ITGA5: variants seen among roughly 807,000 people sequenced by gnomAD.
The protein encoded by ITGA5 is integrin subunit alpha 5.
In ITGA5, 55 loss-of-function variants were observed where a neutral mutation model predicts 146.3. The ratio of observed to expected loss-of-function variants is 0.38; its 90% CI spans 0.30 to 0.47. The LOEUF (loss-of-function observed/expected upper bound fraction) is 0.47, where lower values mean the gene tolerates loss of function less well. ITGA5 is among the 20% of genes least tolerant of loss of function. The probability of loss-of-function intolerance (pLI) is 0.99; values close to 1 mark genes in which losing one functional copy is unlikely to be tolerated. For missense variants in ITGA5, 1,131 were observed against 1,329.0 expected, an observed-to-expected ratio of 0.85 and a Z score of 2.32; for synonymous variants, 500 against 531.8, an observed-to-expected ratio of 0.94 and a Z score of 0.82.
Position 54,403,955 on chromosome 12 carries a change from C to T in ITGA5, c.1577G>A (p.Ser526Asn), listed in dbSNP as rs770698753. 12 of 1,614,082 alleles carry T rather than the reference C, an allele frequency of 7.4e-6. No individual in the cohort carries two copies. Among genetic ancestry groups the T allele is most frequent in the Non-Finnish European group, 1.0e-5 (12 of 1,180,052 alleles). ...TTTTCCAGAAGCATTGAGGCAGAAG[C>T]TAAGGTTGATGCTGGAGAGAGACCA... Reference protein sequence around the residue: ...EGNPVACINLSFCLNASGKHV... With the variant: ...EGNPVACINLNFCLNASGKHV... Residue 526 changes from serine (S) to asparagine (N), a missense_variant, in exon 16 of 30, where the codon AGC becomes AAC. By Grantham distance (46) the Ser-to-Asn change is conservative. Around this residue, in one of 3 missense-constraint regions of ITGA5, gnomAD observed 889 missense variants for 1,021.5 expected, o/e 0.87. Coordinates refer to ENST00000293379, the MANE Select transcript of ITGA5 (RefSeq NM_002205.5). This position sits in a 1 kb window ranked among gnomAD's most constrained non-coding sequence, Gnocchi z 4.9.
chr12:54,417,380 G>T (rs1173150552), intron 1 of ITGA5, among the ~76,000 whole-genome samples: 1 of 151,430 alleles, frequency 6.6e-6, no homozygotes, highest in Non-Finnish European at 1.5e-5. Context: ...CTCCATTAGG[G>T]CTGTGATAAG....
chr12:54,412,258 G>A (rs1274557064), intron 1 of ITGA5: 2 of 262,906 alleles, frequency 7.6e-6, no homozygotes, highest in African/African-American at 2.2e-5. Context: ...ATTTCTAGAA[G>A]GGGAAGAGGG....
rs1478339051 is a variant in ITGA5 at position 54,404,422 on chromosome 12, G to A, written c.1463+8C>T. 1 of 1,613,726 alleles carries A rather than the reference G, an allele frequency of 6.2e-7. No individual in the cohort carries two copies. Among genetic ancestry groups the A allele is most frequent in the Non-Finnish European group, 8.5e-7 (1 of 1,179,706 alleles). ...GGTTGTCCCCTCATCTCCCTTTGGA[G>A]CTCATACCTGTATACCACAGCCTTG... On this transcript the variant is annotated splice_region_variant and intron_variant, in intron 14 of 29. Transcript: ENST00000293379.
At chr12:54,400,037 C>T in intron 25 of ITGA5, 90 bp from the exon 26 acceptor site, 3 of 853,472 alleles carry the variant, frequency 3.5e-6, no homozygotes, top group Non-Finnish European at 6.0e-6. Context: ...TCAACCTATT[C>T]TTTCATCTAT....
rs1036025123 is a variant in ITGA5 at position 54,395,711 on chromosome 12, C to G, written c.*582G>C. 8.9e-5 allele frequency: 13 copies of G among 146,404 alleles called. No homozygotes were observed. The highest frequency in any genetic ancestry group is 3.2e-4 in the African/African-American group (12 of 37,386). 9.1% of individuals were successfully genotyped at this position (146,404 alleles called of 1,614,324 possible). A position where few individuals can be genotyped will look rare whatever the true frequency, so the allele number is the denominator to read the frequency against. On this transcript the variant is annotated 3_prime_UTR_variant, in exon 30 of 30. Transcript: ENST00000293379. ...TTCTGATTCCCCTTGGAGCTGGGCT[C>G]TGGGCCCTGGGCCAGCATCTATCCT...
intron 2 of ITGA5, among the ~76,000 whole-genome samples, chr12:54,410,221 G>A (rs1172880228): frequency 6.6e-6 from 1 of 152,176 alleles, no homozygotes. Context: ...AGACAAGGAT[G>A]CCTGCTGTGG....
chr12:54,412,121 A>G (rs1002982654), intron 1 of ITGA5, among the ~76,000 whole-genome samples, 157 bp from the exon 2 acceptor site: 1 of 152,150 alleles, frequency 6.6e-6, no homozygotes, highest in East Asian at 1.9e-4. Flanking sequence ...CACAGATGCC[A>G]GAGGCACAGG....
At chr12:54,413,977 A>C (rs1955976609) in intron 1 of ITGA5, among the ~76,000 whole-genome samples, 1 of 152,236 alleles carries the variant, frequency 6.6e-6, no homozygotes, top group Non-Finnish European at 1.5e-5. Flanking sequence ...GGGTGGCCTG[A>C]GGAAGTAGCC....
intron 6 of ITGA5, 47 bp from the exon 7 acceptor site, chr12:54,408,282 G>A (rs2120532762): frequency 1.9e-6 from 3 of 1,607,312 alleles, no homozygotes; most frequent in South Asian, 2.2e-5. Flanking sequence ...AGTGGCAGAG[G>A]GGGCTTGGGA....
Position 54,418,969 on chromosome 12 carries a change from C to T in ITGA5, c.218+12G>A. The T allele has an allele frequency of 2.5e-6, 4 of 1,610,892 alleles. No homozygotes were observed. Among genetic ancestry groups the T allele is most frequent in the Non-Finnish European group, 3.4e-6 (4 of 1,179,232 alleles). On this transcript the variant is annotated intron_variant, in intron 1 of 29. Coordinates refer to ENST00000293379, the MANE Select transcript of ITGA5 (RefSeq NM_002205.5). ...CCCCACCCCCATCCCGTCTCCAGCC[C>T]TCCTCACTCACCCGTCTGTTCCCGG...
rs778548618 is a variant in ITGA5, at chr12:54,401,637, C to T, written c.2335G>A (p.Val779Met). 25 of 1,614,052 alleles carry T rather than the reference C, an allele frequency of 1.5e-5. 1 individual carries two copies. The East Asian group carries it at 1.6e-4, about 10-fold the overall frequency. The stretch of plus-strand genomic sequence containing the variant: ...TCCACGGAGAGCCGAAAGGAAACCA[C>T]GTCGCTTTGCGAGTTGTTGAGATTC... Reference protein sequence around the residue: ...SKNLNNSQSDVVSFRLSVEAQ... With the variant: ...SKNLNNSQSDMVSFRLSVEAQ... The change falls in exon 23 of 30, where the codon GTG becomes ATG. Residue 779 changes from valine to methionine, a missense_variant. Val to Met is a conservative substitution (Grantham distance 21). Around this residue, in one of 3 missense-constraint regions of ITGA5, gnomAD observed 889 missense variants for 1,021.5 expected, o/e 0.87. Coordinates refer to ENST00000293379, the MANE Select transcript of ITGA5 (RefSeq NM_002205.5). The surrounding 1 kb of genome is among the most constrained non-coding windows in gnomAD (Gnocchi z 5.0).
At chr12:54,400,498 C>A (rs1452864754) in intron 25 of ITGA5, 1 of 247,566 alleles carries the variant, frequency 4.0e-6, no homozygotes, top group Non-Finnish European at 7.8e-6. Context: ...GTGTTCAGTA[C>A]AGTCACTTAT....
Position 54,403,131 on chromosome 12 carries a change from C to T in ITGA5, c.1914+56G>A. 1 of 1,596,972 alleles carries T rather than the reference C, an allele frequency of 6.3e-7. No individual in the cohort carries two copies. The highest frequency in any genetic ancestry group is 8.5e-7 in the Non-Finnish European group (1 of 1,171,566). ...GCTCTTCTCTTTCCATGGCCCTGCC[C>T]CCCCAATACCCAGGCCTCTGTCTTC... On this transcript the variant is annotated intron_variant, in intron 18 of 29. Coordinates refer to ENST00000293379, the MANE Select transcript of ITGA5 (RefSeq NM_002205.5). The surrounding 1 kb of genome is among the most constrained non-coding windows in gnomAD (Gnocchi z 4.9).
intron 2 of ITGA5, 33 bp downstream of exon 2, chr12:54,411,801 C>A: frequency 6.9e-7 from 1 of 1,452,078 alleles, no homozygotes. Context: ...GCAGTCCCAC[C>A]CCCCAGTCCC....
chr12:54,400,901 C>G lies in ITGA5; in HGVS notation c.2588G>C (p.Arg863Thr), dbSNP rs767288282. ...GGTGGTGCAGTTGAGTCCCGTAACT[C>G]TGGTCACATATAGGAGCTGCTGACC... ...LEGQQLLYVT[R>T]VTGLNCTTNH... The change falls in exon 25 of 30, where the codon AGA becomes ACA. Residue 863 changes from arginine to threonine, a missense_variant. Coordinates refer to ENST00000293379, the MANE Select transcript of ITGA5 (RefSeq NM_002205.5). 15 of 1,614,158 alleles carry G rather than the reference C, an allele frequency of 9.3e-6. No individual in the cohort carries two copies. The highest frequency in any genetic ancestry group is 1.3e-5 in the Non-Finnish European group (15 of 1,180,004).
In ITGA5 at chr12:54,405,644, G is replaced by A. The variant is rs760501878; in HGVS notation, c.1016+20C>T. On this transcript the variant is annotated intron_variant, in intron 11 of 29. Transcript: ENST00000293379. Reference sequence around the variant, plus strand: ...TGGTTCTGGGAGGGTATCACAGTGCGCTCATTTCCCACCACTCACCCGTCC... The same window carrying A: ...TGGTTCTGGGAGGGTATCACAGTGCACTCATTTCCCACCACTCACCCGTCC... 1.6e-5 allele frequency: 25 copies of A among 1,602,842 alleles called. No individual in the cohort carries two copies. Among genetic ancestry groups the A allele is most frequent in the South Asian group, 4.4e-5 (4 of 90,706 alleles).
In ITGA5 at chr12:54,403,841, A is replaced by T. The variant is rs561495465; in HGVS notation, c.1622-62T>A. 89 of 1,610,044 alleles carry T rather than the reference A, an allele frequency of 5.5e-5. 1 individual carries two copies. The South Asian group carries it at 9.3e-4, about 17-fold the overall frequency. On this transcript the variant is annotated intron_variant, in intron 16 of 29. Transcript: ENST00000293379. This position sits in a 1 kb window ranked among gnomAD's most constrained non-coding sequence, Gnocchi z 4.9. ...TTTCCTCATCTTTTCAGAGAGAAGA[A>T]ATGTCCCCAGGTCCCCAGTCCCTTC...
chr12:54,406,684 C>T (rs1955870396), intron 9 of ITGA5, among the ~76,000 whole-genome samples: 1 of 152,202 alleles, frequency 6.6e-6, no homozygotes, highest in Non-Finnish European at 1.5e-5. Context: ...CTAAGTTGGG[C>T]TGAAATTGTT....
chr12:54,403,292 C>A lies in ITGA5; in HGVS notation c.1809G>T (p.Pro603=). The change falls in exon 18 of 30, where the codon CCG becomes CCT. Residue 603 remains proline (P), a synonymous_variant. Transcript: ENST00000293379. This position sits in a 1 kb window ranked among gnomAD's most constrained non-coding sequence, Gnocchi z 4.9. ...AGGAGAAGTTGAGAGCGATGTGAAT[C>A]GGCGAGAGTTTGTCTCGAAATTCTG... is the stretch of plus-strand genomic sequence containing the variant. ...NESEFRDKLS[P]IHIALNFSLD... 6.5e-7 allele frequency: 1 copy of A among 1,544,912 alleles called. No individual in the cohort carries two copies. Among genetic ancestry groups the A allele is most frequent in the Non-Finnish European group, 8.7e-7 (1 of 1,148,352 alleles).
Sources: gnomAD v4.1 joint callset for allele counts (sites outside exome capture counted in the v4.1 genomes callset) on GRCh38, gnomAD v4.1.1 for gene constraint, gnomAD v4.1.1 regional missense constraint, Gnocchi (gnomAD v3.1) non-coding constraint, MANE v1.5 for transcripts, NCBI Gene and HGNC (gene_info 2026-07-23, HGNC 2026-07-21) for gene names.